Variants in HPGDS observed in about 807,000 individuals in gnomAD.
HPGDS encodes the protein hematopoietic prostaglandin D synthase.
In HPGDS, 26 loss-of-function variants were observed where a neutral mutation model predicts 23.1. That is an observed-to-expected ratio of 1.13 (90% CI 0.83 to 1.56). The LOEUF (loss-of-function observed/expected upper bound fraction) is 1.56. Ranked by LOEUF, HPGDS falls within the 40% of genes most tolerant of loss-of-function variation. The pLI is 0.00. For synonymous variants in HPGDS, 95 were observed against 77.9 expected (o/e 1.22, Z -1.16); for missense variants, 268 against 236.4 (o/e 1.13, Z -0.88).
intron 4 of HPGDS, chr4:94,303,889 A>T (rs140761587): frequency 6.6e-6 from 1 of 152,092 alleles, no homozygotes; most frequent in African/African-American, 2.4e-5. Context: ...TTGAGCCCAG[A>T]TTGTCTTTGT....
At chr4:94,325,693 C>T (rs911727757) in intron 2 of HPGDS, among the ~76,000 whole-genome samples, 13 of 152,210 alleles carry the variant, frequency 8.5e-5, no homozygotes, top group African/African-American at 2.9e-4. Flanking sequence ...TCTGTCATGG[C>T]TTCCTTTGGC....
intron 3 of HPGDS, among the ~76,000 whole-genome samples, chr4:94,314,408 G>A (rs201208606): frequency 3.3e-5 from 5 of 152,158 alleles, no homozygotes; most frequent in East Asian, 1.9e-4. Flanking sequence ...GGTCCACTCC[G>A]GACCCTTTTT....
intron 4 of HPGDS, among the ~76,000 whole-genome samples, chr4:94,302,688 C>G (rs1449593163): frequency 6.6e-6 from 1 of 151,966 alleles, no homozygotes; most frequent in Non-Finnish European, 1.5e-5. Context: ...GGCAGTTCTT[C>G]GTTTCACTAT....
intron 1 of HPGDS, among the ~76,000 whole-genome samples, chr4:94,336,579 T>C (rs2126046399): frequency 6.6e-6 from 1 of 152,302 alleles, no homozygotes; most frequent in South Asian, 2.1e-4. Context: ...TGTGGGGAAA[T>C]GTCCTTGAAA....
At chr4:94,317,110 A>G (rs906427766) in intron 3 of HPGDS, among the ~76,000 whole-genome samples, 1 of 151,876 alleles carries the variant, frequency 6.6e-6, no homozygotes, top group Non-Finnish European at 1.5e-5. Flanking sequence ...TGAGCTATGT[A>G]TGTGTCTATG....
In HPGDS at chr4:94,314,553, G is replaced by T. The variant is rs527332693; in HGVS notation, c.226+3320C>A. Among the ~76,000 whole-genome samples, 3 of 152,268 alleles carry T rather than the reference G, an allele frequency of 2.0e-5. No individual in the cohort carries two copies. The South Asian group carries it at 6.2e-4, about 32-fold the overall frequency. On this transcript the variant is annotated intron_variant, in intron 3 of 5. Transcript: ENST00000295256. ...GTAAGGTATCAGTCTGCCCCTACTC[G>T]GGGGTGCCTCCCAGTTAGGCTACTC...
chr4:94,301,604 G>T (rs10856908), intron 5 of HPGDS, among the ~76,000 whole-genome samples: 86,668 of 151,824 alleles, frequency 0.57, 24,920 homozygotes, highest in East Asian at 0.72. Flanking sequence ...CTCTATCTCC[G>T]TTCTCCCACA....
At chr4:94,339,547 A>G (rs941176751) in intron 1 of HPGDS, among the ~76,000 whole-genome samples, 2 of 152,256 alleles carry the variant, frequency 1.3e-5, no homozygotes, top group Non-Finnish European at 2.9e-5. Context: ...ACTTAGACAT[A>G]TAAACTCATA....
chr4:94,299,636 C>A lies in HPGDS; in HGVS notation c.444G>T (p.Trp148Cys). The change falls in exon 6 of 6, where the codon TGG becomes TGT. Residue 148 changes from tryptophan (W) to cysteine (C), a missense_variant. Trp to Cys is a radical substitution (Grantham distance 215, BLOSUM62 -2). Transcript: ENST00000295256. ...REWLIGNSVT[W>C]ADFYWEICST... ...TGCAAATCTCCCAGTAGAAGTCTGC[C>A]CAAGTTACCTAGTTTAAAGGAAACA... 6.2e-7 allele frequency: 1 copy of A among 1,613,150 alleles called. No individual in the cohort carries two copies. Among genetic ancestry groups the A allele is most frequent in the Non-Finnish European group, 8.5e-7 (1 of 1,179,558 alleles).
chr4:94,341,080 G>A (rs939351159), intron 1 of HPGDS, among the ~76,000 whole-genome samples: 1 of 151,240 alleles, frequency 6.6e-6, no homozygotes, highest in African/African-American at 2.4e-5. Flanking sequence ...CAGGTGATCC[G>A]CCAGCCTCGG....
intron 2 of HPGDS, among the ~76,000 whole-genome samples, chr4:94,325,527 T>A (rs1303467621): frequency 6.6e-6 from 1 of 152,144 alleles, no homozygotes; most frequent in East Asian, 1.9e-4. Context: ...CGCCTTGCAG[T>A]TCGATCTCAA....
intron 2 of HPGDS, among the ~76,000 whole-genome samples, chr4:94,324,180 G>C (rs937410218): frequency 6.6e-6 from 1 of 152,108 alleles, no homozygotes; most frequent in Non-Finnish European, 1.5e-5. Flanking sequence ...TTTCTCTCTG[G>C]TTGCCCTTAA....
chr4:94,320,091 T>G (rs1756473339), intron 2 of HPGDS, among the ~76,000 whole-genome samples: 2 of 152,214 alleles, frequency 1.3e-5, no homozygotes, highest in Non-Finnish European at 1.5e-5. Flanking sequence ...GGACATGAAC[T>G]CATCCTTTTT....
intron 4 of HPGDS, chr4:94,303,688 G>T (rs1467489317): frequency 6.6e-6 from 1 of 152,128 alleles, no homozygotes; most frequent in Admixed American, 6.6e-5. Flanking sequence ...CCACAGATCT[G>T]CTCACCTCAG....
chr4:94,340,838 T>G (rs1489581356), intron 1 of HPGDS, among the ~76,000 whole-genome samples: 2 of 133,120 alleles, frequency 1.5e-5, no homozygotes, highest in African/African-American at 5.8e-5. Context: ...TTTTTCTTTT[T>G]TTTTTTCTTT....
At chr4:94,317,806 G>A (rs1756426622) in intron 3 of HPGDS, 67 bp downstream of exon 3, 2 of 883,630 alleles carry the variant, frequency 2.3e-6, no homozygotes, top group Non-Finnish European at 3.7e-6. Flanking sequence ...GTCATTTAAT[G>A]AATATTGAAT....
chr4:94,300,626 A>T (rs1158053769), intron 5 of HPGDS, among the ~76,000 whole-genome samples: 1 of 152,192 alleles, frequency 6.6e-6, no homozygotes, highest in Non-Finnish European at 1.5e-5. Flanking sequence ...TGCCATGCCC[A>T]GGTTTAGGTG....
chr4:94,309,292 C>T (rs1236241148), intron 3 of HPGDS, among the ~76,000 whole-genome samples: 12 of 144,496 alleles, frequency 8.3e-5, no homozygotes, highest in South Asian at 2.3e-4. Context: ...CACAACAGGC[C>T]CCGGTGTGTG....
intron 2 of HPGDS, among the ~76,000 whole-genome samples, chr4:94,328,296 T>C (rs1218022879): frequency 6.6e-6 from 1 of 152,258 alleles, no homozygotes; most frequent in African/African-American, 2.4e-5. Context: ...GGTTATCTAC[T>C]TGCTATTTTG....
Sources: gnomAD v4.1 joint callset for allele counts (sites outside exome capture counted in the v4.1 genomes callset) on GRCh38, gnomAD v4.1.1 for gene constraint, MANE v1.5 for transcripts, NCBI Gene and HGNC (gene_info 2026-07-23, HGNC 2026-07-21) for gene names.